Variants in MST1 observed in about 807,000 individuals in gnomAD.
MST1 encodes macrophage stimulating 1.
MST1 carries 76 observed loss-of-function variants against 100.1 expected under a neutral mutation model. That is an observed-to-expected ratio of 0.76 (90% CI 0.63 to 0.92). The LOEUF is 0.92. Among genes scored for constraint, MST1 ranks in the 40% least tolerant of loss-of-function variants. MST1 has a pLI of 0.00. For missense variants in MST1, 850 were observed against 990.0 expected (o/e 0.86, Z 1.90); for synonymous variants, 352 against 385.4 (o/e 0.91, Z 1.01).
chr3:49,688,849 T>C lies in MST1; in HGVS notation c.-158A>G, dbSNP rs1385146081. 1.8e-6 allele frequency: 1 copy of C among 566,254 alleles called. No individual in the cohort carries two copies. Among genetic ancestry groups the C allele is most frequent in the African/African-American group, 1.9e-5 (1 of 52,126 alleles). 35.1% of individuals were successfully genotyped at this position (566,254 alleles called of 1,614,324 possible). A position where few individuals can be genotyped will look rare whatever the true frequency, so the allele number is the denominator to read the frequency against. The stretch of plus-strand genomic sequence containing the variant: ...TCAGTTGCAAGGGCCTAGTACAGCT[T>C]AGTGGACAGGTGTTAGGAAGGTTTG... On this transcript the variant is annotated 5_prime_UTR_variant, in exon 1 of 18. Coordinates refer to ENST00000449682, the MANE Select transcript of MST1 (RefSeq NM_020998.4).
chr3:49,686,912 C>T, intron 6 of MST1, 35 bp downstream of exon 6: 2 of 1,611,688 alleles, frequency 1.2e-6, no homozygotes, highest in Non-Finnish European at 1.7e-6. Flanking sequence ...CTTCCCTAGC[C>T]CGGCCCCCAG....
chr3:49,686,183 C>T lies in MST1; in HGVS notation c.1026G>A (p.Arg342=). 2 of 1,611,346 alleles carry T rather than the reference C, an allele frequency of 1.2e-6. No homozygotes were observed. The highest frequency in any genetic ancestry group is 1.7e-6 in the Non-Finnish European group (2 of 1,179,508). ...TPEKYACKDL[R]ENFCRNPDGS... is the part of the protein sequence containing the mutation. ...CGTCGGGGTTCCGGCAGAAGTTCTC[C>T]CGAAGGTCTCTAAGCAGGCGCTCCA... The change falls in exon 9 of 18, where the codon CGG becomes CGA. Residue 342 remains arginine (R), a synonymous_variant. Transcript: ENST00000449682.
At position 49,687,409 on chromosome 3, in the gene MST1, C is replaced by T; in HGVS notation, c.425G>A (p.Gly142Asp). 6.2e-6 allele frequency: 10 copies of T among 1,613,404 alleles called. No homozygotes were observed. The highest frequency in any genetic ancestry group is 3.3e-5 in the Admixed American group (2 of 60,026). The change falls in exon 4 of 18, where the codon GGC (glycine) becomes GAC (aspartate). Residue 142 changes from glycine (G) to aspartate (D), a missense_variant. Transcript: ENST00000449682. ...GTGGCTCCAAGCCTGGCAGGGCAGG[C>T]CACCCACGGTCGTGGCCATGGTGCC... ...YRGTMATTVG[G>D]LPCQAWSHKF... is the part of the protein sequence containing the mutation.
rs1281530047 is a variant in MST1 at position 49,685,065 on chromosome 3, C to G, written c.1569G>C (p.Gly523=). Residue 523 remains glycine (G), a synonymous_variant, in exon 14 of 18, where the codon GGG becomes GGC. Coordinates refer to ENST00000449682, the MANE Select transcript of MST1 (RefSeq NM_020998.4). ...RNRQGQHFCG[G]SLVKEQWILT... is the part of the protein sequence containing the mutation. ...GTATCCACTGCTCCTTCACTAGAGA[C>G]CCCCCGCAGAAATGCTGGCCCTGCC... is the stretch of plus-strand genomic sequence containing the variant. 1 of 1,611,094 alleles carries G rather than the reference C, an allele frequency of 6.2e-7. No individual in the cohort carries two copies. Among genetic ancestry groups the G allele is most frequent in the African/African-American group, 1.3e-5 (1 of 74,832 alleles).
intron 7 of MST1, 88 bp from the exon 8 acceptor site, chr3:49,686,569 G>A: frequency 1.3e-6 from 2 of 1,566,974 alleles, no homozygotes; most frequent in South Asian, 1.2e-5. Flanking sequence ...CAGGTGTACG[G>A]TACTCCACGG....
At position 49,687,905 on chromosome 3, in the gene MST1, G is replaced by T; in HGVS notation, c.95-8C>A. The T allele has an allele frequency of 4.3e-6, 7 of 1,611,790 alleles. No homozygotes were observed. Among genetic ancestry groups the T allele is most frequent in the Non-Finnish European group, 5.1e-6 (6 of 1,178,756 alleles). ...TCAATGGCGAGCGCTGCCCTGCAGA[G>T]TAGGCATGAGTGGGTGCAGGTCAGG... is the stretch of plus-strand genomic sequence containing the variant. On this transcript the variant is annotated splice_polypyrimidine_tract_variant and splice_region_variant and intron_variant, in intron 1 of 17. Coordinates refer to ENST00000449682, the MANE Select transcript of MST1 (RefSeq NM_020998.4).
rs756401681 is a variant in MST1, at chr3:49,684,428, A to G, written c.1902T>C (p.Asn634=). Residue 634 remains asparagine, a synonymous_variant, in exon 17 of 18, where the codon AAT becomes AAC. Coordinates refer to ENST00000449682, the MANE Select transcript of MST1 (RefSeq NM_020998.4). ...TKGTGNDTVL[N]VALLNVISNQ... is the part of the protein sequence containing the mutation. ...TGGAGATGACATTCAGCAAGGCCAC[A>G]TTTAGGACTGTGTCATTACCCGTAC... The G allele has an allele frequency of 1.7e-5, 27 of 1,613,338 alleles. 1 individual carries two copies. The East Asian group carries it at 5.1e-4, about 31-fold the overall frequency.
rs62262682 is a variant in MST1 at position 49,685,328 on chromosome 3, C to A, written c.1478G>T (p.Arg493Leu). 0.055 allele frequency: 89,275 copies of A among 1,613,316 alleles called. 2,866 individuals carry two copies. The highest frequency in any genetic ancestry group is 0.066 in the Non-Finnish European group (77,293 of 1,179,828). The change falls in exon 13 of 18, where the codon CGT becomes CTT. Residue 493 changes from arginine to leucine, a missense_variant. Arg to Leu is a moderately radical substitution (Grantham distance 102). Coordinates refer to ENST00000449682, the MANE Select transcript of MST1 (RefSeq NM_020998.4). The stretch of plus-strand genomic sequence containing the variant: ...GCCCCCAACCACGCGCAGCTTGGAA[C>A]GCCGCTGATCCAGCCGATCCACCCT... ...GKRVDRLDQR[R>L]SKLRVVGGHP...
At position 49,685,098 on chromosome 3, in the gene MST1, G is replaced by C; in HGVS notation, c.1545-9C>G. 1 of 1,609,872 alleles carries C rather than the reference G, an allele frequency of 6.2e-7. No individual in the cohort carries two copies. The highest frequency in any genetic ancestry group is 8.5e-7 in the Non-Finnish European group (1 of 1,178,486). ...AGAAATGCTGGCCCTGCCTAGAGGAGTGGGGAATTAGGACAGGTAACAGAC... is the reference window on the plus strand; with the variant it reads ...AGAAATGCTGGCCCTGCCTAGAGGACTGGGGAATTAGGACAGGTAACAGAC... On this transcript the variant is annotated splice_polypyrimidine_tract_variant and intron_variant, in intron 13 of 17. Transcript: ENST00000449682.
Position 49,686,181 on chromosome 3 carries a change from T to C in MST1, c.1028A>G (p.Glu343Gly). 2 of 1,610,532 alleles carry C rather than the reference T, an allele frequency of 1.2e-6. No individual in the cohort carries two copies. Among genetic ancestry groups the C allele is most frequent in the Non-Finnish European group, 8.5e-7 (1 of 1,179,478 alleles). ...GCCGTCGGGGTTCCGGCAGAAGTTC[T>C]CCCGAAGGTCTCTAAGCAGGCGCTC... ...PEKYACKDLR[E>G]NFCRNPDGSE... The change falls in exon 9 of 18, where the codon GAG becomes GGG. Residue 343 changes from glutamate to glycine, a missense_variant. This residue lies in a region of MST1 where 816 missense variants were observed against 924.6 expected (regional missense o/e 0.88). Transcript: ENST00000449682.
chr3:49,684,465 G>A lies in MST1; in HGVS notation c.1877-12C>T. The A allele has an allele frequency of 6.2e-7, 1 of 1,613,550 alleles. No homozygotes were observed. Among genetic ancestry groups the A allele is most frequent in the Non-Finnish European group, 8.5e-7 (1 of 1,179,860 alleles). ...GTCATTACCCGTACCTGCAGTGAGGGGAATGGGGAGAGGGAGAGGGTCCTG... is the reference window on the plus strand; with the variant it reads ...GTCATTACCCGTACCTGCAGTGAGGAGAATGGGGAGAGGGAGAGGGTCCTG... On this transcript the variant is annotated splice_polypyrimidine_tract_variant and intron_variant, in intron 16 of 17. Transcript: ENST00000449682.
intron 17 of MST1, 34 bp downstream of exon 17, chr3:49,684,280 C>CGTAT: frequency 6.2e-7 from 1 of 1,612,028 alleles, no homozygotes; most frequent in Non-Finnish European, 8.5e-7. Flanking sequence ...CCCCCCATAC[C>CGTAT]CTTCCAGGGC....
Position 49,685,698 on chromosome 3 carries a change from C to G in MST1, c.1285G>C (p.Glu429Gln). Reference sequence around the variant, plus strand: ...TCTGGGTTCCGGCAGAAGTTCTCCTCCAGTTGTGCATGCGGTTCGGAGGTA... The same window carrying G: ...TCTGGGTTCCGGCAGAAGTTCTCCTGCAGTTGTGCATGCGGTTCGGAGGTA... ...TFTSEPHAQL[E>Q]ENFCRNPDGD... Residue 429 changes from glutamate to glutamine, a missense_variant, in exon 11 of 18, where the codon GAG becomes CAG. Physicochemically the swap from Glu to Gln is conservative, Grantham distance 29. Coordinates refer to ENST00000449682, the MANE Select transcript of MST1 (RefSeq NM_020998.4). 6.2e-7 allele frequency: 1 copy of G among 1,613,106 alleles called. No homozygotes were observed. Among genetic ancestry groups the G allele is most frequent in the Non-Finnish European group, 8.5e-7 (1 of 1,179,774 alleles).
At chr3:49,687,308 T>C (rs763680246) in intron 4 of MST1, 23 bp from the exon 5 acceptor site, 3 of 1,613,366 alleles carry the variant, frequency 1.9e-6, no homozygotes, top group Admixed American at 1.7e-5. Flanking sequence ...AGCATCACTA[T>C]AGTGTGTGCT....
At position 49,684,134 on chromosome 3, in the gene MST1, C is replaced by T. The variant is rs2053485035; in HGVS notation, c.2072G>A (p.Gly691Glu). The T allele has an allele frequency of 6.2e-7, 1 of 1,613,538 alleles. No homozygotes were observed. Among genetic ancestry groups the T allele is most frequent in the Non-Finnish European group, 8.5e-7 (1 of 1,179,852 alleles). ...CFTHNCWVLE[G>E]IIIPNRVCAR... is the part of the protein sequence containing the mutation. Reference sequence around the variant, plus strand: ...GCATACTCGGTTGGGGATTATAATTCCTTCCAGGACCCAGCAGTTGTGGGT... The same window carrying T: ...GCATACTCGGTTGGGGATTATAATTTCTTCCAGGACCCAGCAGTTGTGGGT... Residue 691 changes from glycine (G) to glutamate (E), a missense_variant, in exon 18 of 18, where the codon GGA (glycine) becomes GAA (glutamate). Coordinates refer to ENST00000449682, the MANE Select transcript of MST1 (RefSeq NM_020998.4).
Position 49,686,211 on chromosome 3 carries a change from C to G in MST1, c.1017-19G>C. On this transcript the variant is annotated intron_variant, in intron 8 of 17. Transcript: ENST00000449682. ...AAGGTCTCTAAGCAGGCGCTCCACT[C>G]AGCCCTAGCCCGCCAGCCTCCAGCC... The G allele has an allele frequency of 1.2e-6, 2 of 1,610,636 alleles. No individual in the cohort carries two copies. Among genetic ancestry groups the G allele is most frequent in the Non-Finnish European group, 1.7e-6 (2 of 1,179,202 alleles).
Position 49,687,578 on chromosome 3 carries a change from G to A in MST1, c.333C>T (p.Arg111=). 1 of 1,613,544 alleles carries A rather than the reference G, an allele frequency of 6.2e-7. No individual in the cohort carries two copies. The highest frequency in any genetic ancestry group is 8.5e-7 in the Non-Finnish European group (1 of 1,179,856). Residue 111 remains arginine, a synonymous_variant, in exon 3 of 18, where the codon CGC becomes CGT. Transcript: ENST00000449682. ...TGCCTTTCTTCTGGAAGAGGTCACA[G>A]CGCCCAGAACGCCGCAGCCTCGTGT... ...SPHTRLRRSG[R]CDLFQKKDYV...
In MST1 at chr3:49,687,799, C is replaced by T. The variant is rs200136137; in HGVS notation, c.193G>A (p.Ala65Thr). Reference protein sequence around the residue: ...VVPGPWQEDVADAEECAGRCG... With the variant: ...VVPGPWQEDVTDAEECAGRCG... ...CGACCAGCACACTCTTCAGCATCTGCCACATCCTCCTGCCAAGGCCCGGGC... is the reference window on the plus strand; with the variant it reads ...CGACCAGCACACTCTTCAGCATCTGTCACATCCTCCTGCCAAGGCCCGGGC... The change falls in exon 2 of 18, where the codon GCA becomes ACA. Residue 65 changes from alanine to threonine, a missense_variant. Around this residue, in one of 2 missense-constraint regions of MST1, gnomAD observed 816 missense variants for 924.6 expected, o/e 0.88. Transcript: ENST00000449682. 1.2e-6 allele frequency: 2 copies of T among 1,613,530 alleles called. No individual in the cohort carries two copies. Among genetic ancestry groups the T allele is most frequent in the Non-Finnish European group, 1.7e-6 (2 of 1,179,874 alleles).
rs757815409 is a variant in MST1, at chr3:49,687,242, G to C, written c.514C>G (p.Arg172Gly). ...CCTCCGGGGTCGCCATCAGGGTTAC[G>C]GCAGAAGTTCTCTTCCAGGCCATTC... is the stretch of plus-strand genomic sequence containing the variant. ...LRNGLEENFC[R>G]NPDGDPGGPW... The change falls in exon 5 of 18, where the codon CGT (arginine) becomes GGT (glycine). Residue 172 changes from arginine (R) to glycine (G), a missense_variant. Transcript: ENST00000449682. 30 of 1,613,510 alleles carry C rather than the reference G, an allele frequency of 1.9e-5. No individual in the cohort carries two copies. Among genetic ancestry groups the C allele is most frequent in the Non-Finnish European group, 2.4e-5 (28 of 1,179,876 alleles).
Sources: allele counts gnomAD v4.1 joint callset, GRCh38; gene constraint gnomAD v4.1.1; regional missense constraint gnomAD v4.1.1; transcripts MANE v1.5; gene names NCBI Gene and HGNC (gene_info 2026-07-23, HGNC 2026-07-21).